ZNF423: variants seen among roughly 807,000 people sequenced by gnomAD.
The protein encoded by ZNF423 is Ebf-associated zinc finger protein.
Under a neutral mutation model 95.8 loss-of-function variants are expected in ZNF423, and 12 were observed. The observed-to-expected ratio is 0.13, with a 90% CI of 0.08 to 0.20. ZNF423 has a LOEUF of 0.20. Among genes scored for constraint, ZNF423 ranks in the 10% least tolerant of loss-of-function variants. The pLI, the probability that ZNF423 is intolerant of heterozygous loss-of-function variation, is 1.00. For synonymous variants in ZNF423, 749 were observed against 711.9 expected (o/e 1.05, Z -0.83); for missense variants, 1,316 against 1,737.1 (o/e 0.76, Z 4.31).
intron 7 of ZNF423, among the ~76,000 whole-genome samples, chr16:49,503,434 C>T (rs1967512685): frequency 6.6e-6 from 1 of 152,112 alleles, no homozygotes; most frequent in Admixed American, 6.5e-5. Flanking sequence ...TTCTTGCTGG[C>T]CCACAGCCTC....
At chr16:49,583,576 CATAT>C (rs1275402188) in intron 5 of ZNF423, among the ~76,000 whole-genome samples, 1 of 152,172 alleles carries the variant, frequency 6.6e-6, no homozygotes, top group Admixed American at 6.5e-5. Context: ...ATGCATATTT[CATAT>C]ATATTCACAC....
intron 1 of ZNF423, among the ~76,000 whole-genome samples, chr16:49,819,308 T>C (rs542665768): frequency 6.7e-6 from 1 of 149,790 alleles, no homozygotes; most frequent in South Asian, 2.1e-4. Flanking sequence ...TTTCAAATGC[T>C]CAAAACCCAT....
At position 49,635,882 on chromosome 16, in the gene ZNF423, G is replaced by T. The variant is rs763270922; in HGVS notation, c.3294C>A (p.Gly1098=). 6 of 1,582,332 alleles carry T rather than the reference G, an allele frequency of 3.8e-6. No individual in the cohort carries two copies. In the South Asian group the frequency reaches 5.9e-5, roughly 15 times the overall value. Reference sequence around the variant, plus strand: ...TGCGGGCCATGCAGCCGGCGCAGAGGCCGTAGGGCAGCCCATTGACGTCAA... The same window carrying T: ...TGCGGGCCATGCAGCCGGCGCAGAGTCCGTAGGGCAGCCCATTGACGTCAA... ...VKLDVNGLPY[G]LCAGCMARSA... The change falls in exon 4 of 8, where the codon GGC becomes GGA. Residue 1098 remains glycine (G), a synonymous_variant. Transcript: ENST00000563137. The surrounding 1 kb of genome is among the most constrained non-coding windows in gnomAD (Gnocchi z 4.8).
chr16:49,828,546 G>C (rs1227070861), intron 1 of ZNF423, among the ~76,000 whole-genome samples: 1 of 152,210 alleles, frequency 6.6e-6, no homozygotes, highest in East Asian at 1.9e-4. Context: ...AGCAACAGCA[G>C]GGGCCTAGAA....
intron 4 of ZNF423, among the ~76,000 whole-genome samples, chr16:49,631,420 C>A (rs1219710761): frequency 6.6e-6 from 1 of 151,952 alleles, no homozygotes; most frequent in African/African-American, 2.4e-5. Context: ...CACTCTCAAC[C>A]CCCCTGGAGA....
chr16:49,626,104 T>C (rs1972254394), intron 5 of ZNF423, 66 bp downstream of exon 5: 2 of 1,517,824 alleles, frequency 1.3e-6, no homozygotes, highest in Non-Finnish European at 1.8e-6. Flanking sequence ...AAAATGATGA[T>C]TGGAACCGCA....
intron 5 of ZNF423, among the ~76,000 whole-genome samples, chr16:49,544,079 CCCAT>C (rs1233735126): frequency 2.0e-5 from 3 of 152,224 alleles, no homozygotes; most frequent in Non-Finnish European, 2.9e-5. Context: ...TGTCCATCTA[CCCAT>C]CCATCCATCC....
chr16:49,824,631 C>G (rs187390641), intron 1 of ZNF423, among the ~76,000 whole-genome samples: 1 of 152,306 alleles, frequency 6.6e-6, no homozygotes, highest in African/African-American at 2.4e-5. Flanking sequence ...CTGGGCACCA[C>G]CAGAGCTCCA....
intron 7 of ZNF423, among the ~76,000 whole-genome samples, chr16:49,521,731 T>C (rs1193496785): frequency 6.6e-6 from 1 of 152,188 alleles, no homozygotes; most frequent in African/African-American, 2.4e-5. Flanking sequence ...ACCGTAAGGA[T>C]GAAAAGAAAC....
chr16:49,707,173 C>T (rs930505965), intron 3 of ZNF423, among the ~76,000 whole-genome samples: 1 of 152,144 alleles, frequency 6.6e-6, no homozygotes, highest in Non-Finnish European at 1.5e-5. Context: ...CCTGCCGGTA[C>T]CCCGACGCCC....
At chr16:49,530,842 G>C (rs555353416) in intron 5 of ZNF423, among the ~76,000 whole-genome samples, 1 of 152,288 alleles carries the variant, frequency 6.6e-6, no homozygotes, top group Non-Finnish European at 1.5e-5. Context: ...AGGGCAGAGC[G>C]GGGCAGCAGC....
intron 1 of ZNF423, among the ~76,000 whole-genome samples, chr16:49,794,420 G>A (rs867916239): frequency 1.3e-5 from 2 of 151,738 alleles, no homozygotes; most frequent in East Asian, 3.9e-4. Context: ...CTCTCCTGTC[G>A]GTCACCTTGA....
intron 5 of ZNF423, among the ~76,000 whole-genome samples, chr16:49,557,030 T>A (rs1383814711): frequency 1.3e-5 from 2 of 152,204 alleles, no homozygotes; most frequent in Admixed American, 1.3e-4. Context: ...TGCTCCCTCC[T>A]CTTCCAAATA....
At chr16:49,672,888 G>T (rs1238323455) in intron 3 of ZNF423, among the ~76,000 whole-genome samples, 2 of 152,194 alleles carry the variant, frequency 1.3e-5, no homozygotes, top group Non-Finnish European at 2.9e-5. Context: ...TGGAGCATCT[G>T]TAAATGTACC....
At chr16:49,697,809 C>A (rs1381821905) in intron 3 of ZNF423, among the ~76,000 whole-genome samples, 2 of 152,254 alleles carry the variant, frequency 1.3e-5, no homozygotes, top group Non-Finnish European at 2.9e-5. Context: ...AAAGCCTTAC[C>A]TACGGTGCGG....
At chr16:49,817,784 C>T (rs180981804) in intron 1 of ZNF423, among the ~76,000 whole-genome samples, 1 of 152,262 alleles carries the variant, frequency 6.6e-6, no homozygotes, top group African/African-American at 2.4e-5. Flanking sequence ...CAGTTTGAGT[C>T]TATCCATCTT....
chr16:49,549,092 G>A (rs55850433), intron 5 of ZNF423, among the ~76,000 whole-genome samples: 3 of 152,176 alleles, frequency 2.0e-5, no homozygotes, highest in Admixed American at 6.5e-5. Flanking sequence ...GGAGCTACAG[G>A]GTTCAAAGAC....
intron 5 of ZNF423, among the ~76,000 whole-genome samples, chr16:49,559,270 C>T (rs1041981567): frequency 6.6e-6 from 1 of 152,246 alleles, no homozygotes; most frequent in South Asian, 2.1e-4. Flanking sequence ...TTGTACTTTC[C>T]TACTCAGTAC....
chr16:49,678,958 C>A (rs905294433), intron 3 of ZNF423, among the ~76,000 whole-genome samples: 1 of 152,236 alleles, frequency 6.6e-6, no homozygotes, highest in African/African-American at 2.4e-5. Flanking sequence ...CTGCCCTGAG[C>A]CTATCAGGCT....
Sources: gnomAD v4.1 joint callset for allele counts (sites outside exome capture counted in the v4.1 genomes callset) on GRCh38, gnomAD v4.1.1 for gene constraint, Gnocchi (gnomAD v3.1) non-coding constraint, MANE v1.5 for transcripts, NCBI Gene and HGNC (gene_info 2026-07-23, HGNC 2026-07-21) for gene names.